Variants in LYN observed in about 807,000 individuals in gnomAD.
LYN encodes the protein tyrosine-protein kinase Lyn.
LYN carries 12 observed loss-of-function variants against 65.0 expected under a neutral mutation model. The ratio of observed to expected loss-of-function variants is 0.18; its 90% confidence interval spans 0.12 to 0.30. The LOEUF (loss-of-function observed/expected upper bound fraction) is 0.30. LYN is among the 10% of genes least tolerant of loss of function. LYN has a pLI of 1.00. For missense variants in LYN, 380 were observed against 623.2 expected (o/e 0.61, Z 4.16); for synonymous variants, 222 against 221.2 (o/e 1.00, Z -0.03).
intron 1 of LYN, among the ~76,000 whole-genome samples, chr8:55,906,302 G>C (rs184633186): frequency 6.6e-6 from 1 of 152,140 alleles, no homozygotes; most frequent in Non-Finnish European, 1.5e-5. Context: ...GCTGAGGTGG[G>C]AGGATTGCTT....
intron 10 of LYN, among the ~76,000 whole-genome samples, chr8:55,981,937 C>T (rs925866823): frequency 6.6e-6 from 1 of 152,232 alleles, no homozygotes; most frequent in Non-Finnish European, 1.5e-5. Context: ...AAGCCAACGG[C>T]AGATGCATTC....
At chr8:55,887,617 T>A (rs867346890) in intron 1 of LYN, among the ~76,000 whole-genome samples, 171 of 82,526 alleles carry the variant, frequency 2.1e-3, no homozygotes, top group East Asian at 0.02. Context: ...TATATATATT[T>A]TTTTTTTCCT....
intron 1 of LYN, among the ~76,000 whole-genome samples, chr8:55,917,552 G>A (rs983298296): frequency 3.3e-5 from 5 of 152,182 alleles, no homozygotes; most frequent in African/African-American, 9.7e-5. Flanking sequence ...GAGGGAGTAG[G>A]GAAGGGGAGG....
chr8:55,918,421 C>A (rs745975290), intron 1 of LYN, among the ~76,000 whole-genome samples: 1 of 152,196 alleles, frequency 6.6e-6, no homozygotes, highest in Admixed American at 6.5e-5. Flanking sequence ...GCTATGGAGC[C>A]GGGACATTTG....
intron 1 of LYN, among the ~76,000 whole-genome samples, chr8:55,918,162 G>C (rs953352972): frequency 3.9e-5 from 6 of 152,210 alleles, no homozygotes; most frequent in Non-Finnish European, 8.8e-5. Flanking sequence ...ACTCTCTGCT[G>C]TCTGTCTCTG....
intron 1 of LYN, among the ~76,000 whole-genome samples, chr8:55,924,067 T>C (rs1467272043): frequency 2.3e-5 from 3 of 131,692 alleles, no homozygotes; most frequent in African/African-American, 8.6e-5. Flanking sequence ...TTTTCTTTCT[T>C]TTTTTTTTTT....
At chr8:55,923,503 A>G (rs73682014) in intron 1 of LYN, among the ~76,000 whole-genome samples, 6,915 of 152,296 alleles carry the variant, frequency 0.045, 189 homozygotes, top group African/African-American at 0.081. Context: ...GACAGCAGAA[A>G]AAATACAGGA....
At chr8:55,918,088 G>A (rs1805830344) in intron 1 of LYN, among the ~76,000 whole-genome samples, 1 of 152,196 alleles carries the variant, frequency 6.6e-6, no homozygotes, top group South Asian at 2.1e-4. Flanking sequence ...CTGGGCTGTG[G>A]TAGCGGCAGC....
At chr8:55,895,732 C>G (rs986019416) in intron 1 of LYN, 1 of 152,136 alleles carries the variant, frequency 6.6e-6, no homozygotes, top group Non-Finnish European at 1.5e-5. Context: ...ATACATAAAA[C>G]AGTAATAACA....
At chr8:55,887,180 C>T (rs920541822) in intron 1 of LYN, among the ~76,000 whole-genome samples, 1 of 152,198 alleles carries the variant, frequency 6.6e-6, no homozygotes, top group Non-Finnish European at 1.5e-5. Flanking sequence ...GGCGGCCAGG[C>T]GCAGTGGCCC....
chr8:55,977,000 C>T (rs968739541), intron 10 of LYN, among the ~76,000 whole-genome samples: 1 of 152,052 alleles, frequency 6.6e-6, no homozygotes. Flanking sequence ...GCCTGGCCAA[C>T]ATGGTGAAAC....
Position 56,010,141 on chromosome 8 carries a change from G to A in LYN, c.*31G>A. The A allele has an allele frequency of 6.2e-7, 1 of 1,604,796 alleles. No homozygotes were observed. The highest frequency in any genetic ancestry group is 1.1e-5 in the South Asian group (1 of 90,752). ...AGGGAGACCCGTCCATTTGGCAGGG[G>A]TGGCTGCCTCATTTAGAGAGGAAAA... On this transcript the variant is annotated 3_prime_UTR_variant, in exon 13 of 13. Coordinates refer to ENST00000519728, the MANE Select transcript of LYN (RefSeq NM_002350.4).
At chr8:55,925,703 A>G (rs1806088630) in intron 1 of LYN, among the ~76,000 whole-genome samples, 1 of 152,240 alleles carries the variant, frequency 6.6e-6, no homozygotes, top group African/African-American at 2.4e-5. Flanking sequence ...AACACCATCT[A>G]GAGGTGCTGC....
chr8:55,923,342 T>G (rs1805998854), intron 1 of LYN, among the ~76,000 whole-genome samples: 1 of 152,174 alleles, frequency 6.6e-6, no homozygotes, highest in South Asian at 2.1e-4. Flanking sequence ...CCAGCACATC[T>G]GCTCAGTTTC....
At chr8:55,914,495 G>A (rs1394596781) in intron 1 of LYN, among the ~76,000 whole-genome samples, 1 of 152,138 alleles carries the variant, frequency 6.6e-6, no homozygotes, top group African/African-American at 2.4e-5. Flanking sequence ...ACTATGCAGT[G>A]AATCAAGCCA....
At chr8:55,914,320 T>G (rs1213902755) in intron 1 of LYN, among the ~76,000 whole-genome samples, 2 of 152,114 alleles carry the variant, frequency 1.3e-5, no homozygotes, top group African/African-American at 4.8e-5. Flanking sequence ...CCAGTCCTGC[T>G]GCTCCCTGTA....
intron 1 of LYN, among the ~76,000 whole-genome samples, chr8:55,926,415 C>T (rs1401271288): frequency 6.6e-6 from 1 of 152,222 alleles, no homozygotes; most frequent in African/African-American, 2.4e-5. Context: ...ATCAGATGTA[C>T]TTTGCCTTGC....
chr8:55,912,709 A>G (rs1238335470), intron 1 of LYN, among the ~76,000 whole-genome samples: 1 of 147,072 alleles, frequency 6.8e-6, no homozygotes, highest in Non-Finnish European at 1.5e-5. Context: ...TCTGGGTGAC[A>G]GAGTGAGACT....
intron 8 of LYN, among the ~76,000 whole-genome samples, chr8:55,959,773 G>A (rs1296379168): frequency 6.6e-6 from 1 of 151,920 alleles, no homozygotes; most frequent in Admixed American, 6.6e-5. Context: ...TGATGAATGG[G>A]TCAATAAAAT....
Sources: gnomAD v4.1 joint callset for allele counts (sites outside exome capture counted in the v4.1 genomes callset) on GRCh38, gnomAD v4.1.1 for gene constraint, MANE v1.5 for transcripts, NCBI Gene and HGNC (gene_info 2026-07-23, HGNC 2026-07-21) for gene names.